KIRREL3: variants seen among roughly 807,000 people sequenced by gnomAD.
KIRREL3 encodes kin of IRRE-like protein 3.
Under a neutral mutation model 89.7 loss-of-function variants are expected in KIRREL3, and 36 were observed. The observed-to-expected ratio is 0.40, with a 90% confidence interval of 0.31 to 0.53. The LOEUF (loss-of-function observed/expected upper bound fraction) is 0.53. KIRREL3 is among the 20% of genes least tolerant of loss of function. The pLI is 0.49. For synonymous variants in KIRREL3, 445 were observed against 441.4 expected, an observed-to-expected ratio of 1.01 and a Z score of -0.10; for missense variants, 864 against 1,056.6, an observed-to-expected ratio of 0.82 and a Z score of 2.53.
At chr11:126,699,899 T>C in intron 1 of KIRREL3, among the ~76,000 whole-genome samples, 1 of 152,150 alleles carries the variant, frequency 6.6e-6, no homozygotes, top group East Asian at 1.9e-4. Context: ...TTTTATCAGA[T>C]AAATAAAAAT....
rs1955738821 is a variant in KIRREL3, at chr11:126,445,078, G to A, written c.1153C>T (p.Leu385Phe). The A allele has an allele frequency of 6.2e-7, 1 of 1,613,882 alleles. No homozygotes were observed. Among genetic ancestry groups the A allele is most frequent in the African/African-American group, 1.3e-5 (1 of 74,936 alleles). ...VVLSNEKTLT[L>F]KSVRQEDAGK... ...GCGTCCTCCTGGCGCACGGATTTGA[G>A]GGTCAGGGTCTTCTCATTGCTCAGG... The change falls in exon 10 of 17, where the codon CTC (leucine) becomes TTC (phenylalanine). Residue 385 changes from leucine to phenylalanine, a missense_variant. By Grantham distance (22) the Leu-to-Phe change is conservative. Coordinates refer to ENST00000525144, the MANE Select transcript of KIRREL3 (RefSeq NM_032531.4).
chr11:126,760,468 A>G (rs1047172528), intron 1 of KIRREL3, among the ~76,000 whole-genome samples: 1 of 152,234 alleles, frequency 6.6e-6, no homozygotes, highest in Non-Finnish European at 1.5e-5. Context: ...AAGCTGCTTC[A>G]TGGTCAATCT....
rs1175757794 is a variant in KIRREL3 at position 126,666,301 on chromosome 11, C to T, written c.56-103389G>A. Among the ~76,000 whole-genome samples the T allele has an allele frequency of 6.6e-6, 1 of 152,178 alleles. No individual in the cohort carries two copies. Among genetic ancestry groups the T allele is most frequent in the Non-Finnish European group, 1.5e-5 (1 of 68,032 alleles). ...CCTTGGGTTTTACCTCCTGTCCAGG[C>T]ACCCGTTCCTCTTTCTGCAGGGATA... On this transcript the variant is annotated intron_variant, in intron 1 of 16. Coordinates refer to ENST00000525144, the MANE Select transcript of KIRREL3 (RefSeq NM_032531.4). This position sits in a 1 kb window ranked among gnomAD's most constrained non-coding sequence, Gnocchi z 4.2.
chr11:126,521,920 C>T lies in KIRREL3; in HGVS notation c.284-456G>A, dbSNP rs1958609291. ...CCACCACGTCGGCTAATTTTTTTAT[C>T]TTTTGTAGAGATGGGATCTCACTAT... is the stretch of plus-strand genomic sequence containing the variant. On this transcript the variant is annotated intron_variant, in intron 3 of 16. Transcript: ENST00000525144. The surrounding 1 kb of genome is among the most constrained non-coding windows in gnomAD (Gnocchi z 4.1). Among the ~76,000 whole-genome samples the T allele has an allele frequency of 6.6e-6, 1 of 151,992 alleles. No individual in the cohort carries two copies. Among genetic ancestry groups the T allele is most frequent in the South Asian group, 2.1e-4 (1 of 4,822 alleles).
In KIRREL3 at chr11:126,473,478, G is replaced by A. The variant is rs565299181; in HGVS notation, c.434-12C>T. 6.5e-7 allele frequency: 1 copy of A among 1,538,120 alleles called. No homozygotes were observed. The stretch of plus-strand genomic sequence containing the variant: ...GTCATCAGGCGGCACTGCGGGGAGA[G>A]AAGCAGTGAGGTCAGGCCGAGGCTC... On this transcript the variant is annotated splice_polypyrimidine_tract_variant and intron_variant, in intron 4 of 16. Transcript: ENST00000525144.
rs974348705 is a variant in KIRREL3, at chr11:126,744,289, A to C, written c.56-181377T>G. Reference sequence around the variant, plus strand: ...GCCTTTGATAAGCATTTGTTGAATCAATGACTGAGATGTTGAGCAGGGGAG... The same window carrying C: ...GCCTTTGATAAGCATTTGTTGAATCCATGACTGAGATGTTGAGCAGGGGAG... On this transcript the variant is annotated intron_variant, in intron 1 of 16. Transcript: ENST00000525144. The surrounding 1 kb of genome is among the most constrained non-coding windows in gnomAD (Gnocchi z 4.7). 2.0e-5 allele frequency among the ~76,000 whole-genome samples: 3 copies of C among 151,784 alleles called. No individual in the cohort carries two copies. The highest frequency in any genetic ancestry group is 4.4e-5 in the Non-Finnish European group (3 of 67,988).
Position 126,828,867 on chromosome 11 carries a change from T to C in KIRREL3, c.55+171588A>G, listed in dbSNP as rs1343593698. Among the ~76,000 whole-genome samples the C allele has an allele frequency of 2.0e-5, 3 of 152,030 alleles. No homozygotes were observed. The East Asian group carries it at 5.8e-4, about 29-fold the overall frequency. ...AGTTGGGTTCCCCTGAAAGTGGTGG[T>C]GGTAGATTGGGAGGTGATCCCAGGA... On this transcript the variant is annotated intron_variant, in intron 1 of 16. Coordinates refer to ENST00000525144, the MANE Select transcript of KIRREL3 (RefSeq NM_032531.4).
intron 1 of KIRREL3, among the ~76,000 whole-genome samples, chr11:126,958,692 A>G (rs1449885123): frequency 6.6e-6 from 1 of 152,186 alleles, no homozygotes; most frequent in Non-Finnish European, 1.5e-5. Flanking sequence ...ACATAAAGGC[A>G]CTCAAACACT....
At position 126,694,809 on chromosome 11, in the gene KIRREL3, G is replaced by A. The variant is rs985927399; in HGVS notation, c.56-131897C>T. The stretch of plus-strand genomic sequence containing the variant: ...AGTATCAGGTAGATGCTCACTAAAT[G>A]TAAAACTCCCTTATAAGGGTGGCTG... On this transcript the variant is annotated intron_variant, in intron 1 of 16. Transcript: ENST00000525144. The surrounding 1 kb of genome is among the most constrained non-coding windows in gnomAD (Gnocchi z 4.4). Among the ~76,000 whole-genome samples the A allele has an allele frequency of 2.0e-5, 3 of 152,160 alleles. No individual in the cohort carries two copies. Among genetic ancestry groups the A allele is most frequent in the African/African-American group, 7.2e-5 (3 of 41,430 alleles).
At chr11:126,444,513 T>C (rs1034600388) in intron 10 of KIRREL3, among the ~76,000 whole-genome samples, 5 of 152,214 alleles carry the variant, frequency 3.3e-5, no homozygotes, top group African/African-American at 1.2e-4. Flanking sequence ...TAGTCCCAGC[T>C]ACTCAGGAAG....
At position 126,666,882 on chromosome 11, in the gene KIRREL3, G is replaced by A. The variant is rs901009357; in HGVS notation, c.56-103970C>T. 5.9e-5 allele frequency among the ~76,000 whole-genome samples: 9 copies of A among 152,252 alleles called. No individual in the cohort carries two copies. Among genetic ancestry groups the A allele is most frequent in the African/African-American group, 1.9e-4 (8 of 41,548 alleles). ...TGGGATGGATACAGGTTTGATGAAA[G>A]GTCCCTGGGGAATGAGAGGGCTTAG... On this transcript the variant is annotated intron_variant, in intron 1 of 16. Coordinates refer to ENST00000525144, the MANE Select transcript of KIRREL3 (RefSeq NM_032531.4). The surrounding 1 kb of genome is among the most constrained non-coding windows in gnomAD (Gnocchi z 4.2).
chr11:126,971,458 C>T (rs1467919623), intron 1 of KIRREL3, among the ~76,000 whole-genome samples: 2 of 152,088 alleles, frequency 1.3e-5, no homozygotes, highest in Non-Finnish European at 2.9e-5. Context: ...ATGTTCTGTT[C>T]GGGGTGTTGT....
At chr11:126,878,657 A>G (rs541835706) in intron 1 of KIRREL3, among the ~76,000 whole-genome samples, 33 of 152,256 alleles carry the variant, frequency 2.2e-4, no homozygotes, top group African/African-American at 7.2e-4. Flanking sequence ...AAGAATAATG[A>G]AGATCTAAAG....
At position 126,976,697 on chromosome 11, in the gene KIRREL3, T is replaced by C. The variant is rs1949586106; in HGVS notation, c.55+23758A>G. Among the ~76,000 whole-genome samples, 1 of 152,224 alleles carries C rather than the reference T, an allele frequency of 6.6e-6. No homozygotes were observed. On this transcript the variant is annotated intron_variant, in intron 1 of 16. Coordinates refer to ENST00000525144, the MANE Select transcript of KIRREL3 (RefSeq NM_032531.4). The surrounding 1 kb of genome is among the most constrained non-coding windows in gnomAD (Gnocchi z 4.2). ...TTAATATTTATTGAATTTTTCTATG[T>C]GTCAGATAATATGCTGTACTTGCAG...
intron 1 of KIRREL3, among the ~76,000 whole-genome samples, chr11:126,714,127 A>T (rs1947865988): frequency 6.6e-6 from 1 of 152,160 alleles, no homozygotes; most frequent in Non-Finnish European, 1.5e-5. Flanking sequence ...AGGCTGGTGC[A>T]CAAGCCACAG....
intron 1 of KIRREL3, among the ~76,000 whole-genome samples, chr11:126,631,124 TATTCATTC>T (rs201430801): frequency 0.038 from 4,076 of 106,716 alleles, 48 homozygotes; most frequent in Middle Eastern, 0.1. Context: ...TGTATGTATG[TATTCATTC>T]ATTCATTCAT....
At chr11:126,849,441 C>T (rs1227127439) in intron 1 of KIRREL3, among the ~76,000 whole-genome samples, 1 of 152,210 alleles carries the variant, frequency 6.6e-6, no homozygotes, top group Admixed American at 6.5e-5. Context: ...TTTCACTTTA[C>T]TCTATGGACT....
intron 1 of KIRREL3, among the ~76,000 whole-genome samples, chr11:126,634,165 T>C (rs931925309): frequency 6.6e-6 from 1 of 152,156 alleles, no homozygotes; most frequent in Admixed American, 6.5e-5. Context: ...ACTGGGTGTG[T>C]TGTCTGTATT....
At position 126,655,636 on chromosome 11, in the gene KIRREL3, T is replaced by C. The variant is rs1202542523; in HGVS notation, c.56-92724A>G. On this transcript the variant is annotated intron_variant, in intron 1 of 16. Coordinates refer to ENST00000525144, the MANE Select transcript of KIRREL3 (RefSeq NM_032531.4). The surrounding 1 kb of genome is among the most constrained non-coding windows in gnomAD (Gnocchi z 5.0). ...TGCAGTTTTCACAACGCAGTTGTCATCTCGGGAGCAGTGTGTGCCCGTCCA... is the reference window on the plus strand; with the variant it reads ...TGCAGTTTTCACAACGCAGTTGTCACCTCGGGAGCAGTGTGTGCCCGTCCA... 6.6e-6 allele frequency among the ~76,000 whole-genome samples: 1 copy of C among 152,152 alleles called. No individual in the cohort carries two copies. The highest frequency in any genetic ancestry group is 2.4e-5 in the African/African-American group (1 of 41,446).
Sources: gnomAD v4.1 joint callset for allele counts (sites outside exome capture counted in the v4.1 genomes callset) on GRCh38, gnomAD v4.1.1 for gene constraint, Gnocchi (gnomAD v3.1) non-coding constraint, MANE v1.5 for transcripts, NCBI Gene and HGNC (gene_info 2026-07-23, HGNC 2026-07-21) for gene names.